The following EXOC5 variants were observed in gnomAD, a reference collection of about 807,000 sequenced individuals.
EXOC5 encodes the protein SEC10-like 1.
EXOC5 carries 17 observed loss-of-function variants against 90.8 expected under a neutral mutation model. The observed-to-expected ratio is 0.19, with a 90% CI of 0.13 to 0.28. The LOEUF is 0.28. Ranked by LOEUF, EXOC5 falls within the 10% of genes least tolerant of loss-of-function variation. EXOC5 has a pLI of 1.00. For missense variants in EXOC5, 569 were observed against 830.6 expected (o/e 0.69, Z 3.87); for synonymous variants, 260 against 270.0 (o/e 0.96, Z 0.36).
intron 4 of EXOC5, among the ~76,000 whole-genome samples, chr14:57,240,134 A>C (rs1363597878): frequency 6.6e-6 from 1 of 152,174 alleles, no homozygotes; most frequent in East Asian, 1.9e-4. Context: ...CACTTGTTCT[A>C]AAAGAAAATA....
chr14:57,209,356 T>C (rs1418135059), intron 17 of EXOC5, among the ~76,000 whole-genome samples: 2 of 151,118 alleles, frequency 1.3e-5, no homozygotes, highest in African/African-American at 4.9e-5. Flanking sequence ...TGAAACTCTT[T>C]GGAAAAAAAA....
At chr14:57,268,112 G>A (rs1019130822) in intron 1 of EXOC5, 1 of 157,300 alleles carries the variant, frequency 6.4e-6, no homozygotes, top group African/African-American at 2.4e-5. Flanking sequence ...AGGTTAAACT[G>A]GCAGTCCTAT....
chr14:57,214,068 A>G (rs1882903179), intron 15 of EXOC5, among the ~76,000 whole-genome samples: 1 of 152,094 alleles, frequency 6.6e-6, no homozygotes, highest in African/African-American at 2.4e-5. Flanking sequence ...ATTCCACAAC[A>G]TCTTTATACC....
intron 1 of EXOC5, 125 bp from the exon 2 acceptor site, chr14:57,247,837 C>T (rs1231806214): frequency 2.2e-6 from 1 of 458,012 alleles, no homozygotes; most frequent in Non-Finnish European, 3.9e-6. Context: ...TTAAATACAT[C>T]TATATTATTA....
At chr14:57,221,902 C>CA (rs2072505686) in intron 13 of EXOC5, among the ~76,000 whole-genome samples, 1 of 151,996 alleles carries the variant, frequency 6.6e-6, no homozygotes, top group Admixed American at 6.6e-5. Context: ...ACCAAAAGAC[C>CA]AAAAGCAAAA....
At position 57,239,614 on chromosome 14, in the gene EXOC5, G is replaced by T; in HGVS notation, c.511C>A (p.Gln171Lys). The change falls in exon 5 of 18, where the codon CAA (glutamine) becomes AAA (lysine). Residue 171 changes from glutamine to lysine, a missense_variant. Physicochemically the swap from Gln to Lys is moderately conservative, Grantham distance 53 (BLOSUM62 1). This residue lies in a region of EXOC5 where 97 missense variants were observed against 177.9 expected (regional missense o/e 0.55). Coordinates refer to ENST00000621441, the MANE Select transcript of EXOC5 (RefSeq NM_006544.4). ...DIIQKLHLIA[Q>K]ELPFDRFSEV... ...ACTTGCCTATCAAAAGGTAACTCTT[G>T]GGCAATTAGGTGCAACTTCTGAATG... 6.5e-7 allele frequency: 1 copy of T among 1,537,976 alleles called. No individual in the cohort carries two copies. The highest frequency in any genetic ancestry group is 8.8e-7 in the Non-Finnish European group (1 of 1,138,014).
rs1882709743 is a variant in EXOC5 at position 57,208,046 on chromosome 14, A to G, written c.*563T>C. The G allele has an allele frequency of 6.6e-6, 1 of 152,274 alleles. No individual in the cohort carries two copies. Among genetic ancestry groups the G allele is most frequent in the Admixed American group, 6.5e-5 (1 of 15,276 alleles). The allele number at this position is 152,274 out of a possible 1,614,324, so 9.4% of individuals were successfully genotyped here. A position where few individuals can be genotyped will look rare whatever the true frequency, so the allele number is the denominator to read the frequency against. ...GACTAGTATTAATGCTGTACCTCAG[A>G]AAAAAATCCAATCAACCAACTGCAG... On this transcript the variant is annotated 3_prime_UTR_variant, in exon 18 of 18. Coordinates refer to ENST00000621441, the MANE Select transcript of EXOC5 (RefSeq NM_006544.4).
intron 13 of EXOC5, among the ~76,000 whole-genome samples, chr14:57,221,627 T>C (rs905194119): frequency 2.0e-5 from 3 of 152,154 alleles, no homozygotes; most frequent in African/African-American, 7.2e-5. Context: ...AAAGGAGGAA[T>C]TGAGGAACTC....
At chr14:57,234,513 G>A (rs911162208) in intron 7 of EXOC5, among the ~76,000 whole-genome samples, 12 of 135,250 alleles carry the variant, frequency 8.9e-5, no homozygotes, top group African/African-American at 3.1e-4. Context: ...ATATATACGT[G>A]TGTGTGTGTG....
intron 5 of EXOC5, among the ~76,000 whole-genome samples, chr14:57,238,260 A>G (rs1472468054): frequency 6.9e-6 from 1 of 144,228 alleles, no homozygotes; most frequent in African/African-American, 2.5e-5. Context: ...ACACACTCAT[A>G]TTCACCACCA....
chr14:57,216,605 C>T (rs755708655), intron 15 of EXOC5, among the ~76,000 whole-genome samples: 11 of 152,056 alleles, frequency 7.2e-5, no homozygotes, highest in South Asian at 2.1e-4. Flanking sequence ...AATGAAATGA[C>T]ACCCTTATCT....
intron 13 of EXOC5, among the ~76,000 whole-genome samples, chr14:57,221,365 T>G (rs775582555): frequency 4.6e-4 from 70 of 152,162 alleles, no homozygotes; most frequent in Non-Finnish European, 6.9e-4. Context: ...GCTGTTGTTT[T>G]CCCCTTAAGA....
At chr14:57,243,928 G>A (rs554341328) in intron 4 of EXOC5, among the ~76,000 whole-genome samples, 20 of 152,156 alleles carry the variant, frequency 1.3e-4, no homozygotes, top group African/African-American at 4.3e-4. Context: ...GCATTTTTAA[G>A]CCACAAAAAA....
chr14:57,218,485 G>C (rs1883035247), intron 14 of EXOC5, among the ~76,000 whole-genome samples: 1 of 152,018 alleles, frequency 6.6e-6, no homozygotes, highest in African/African-American at 2.4e-5. Flanking sequence ...ATAAAATTTG[G>C]AGGGTAACAG....
rs12891598 is a variant in EXOC5, at chr14:57,251,753, A to C, written c.28-4041T>G. On this transcript the variant is annotated intron_variant, in intron 1 of 17. Transcript: ENST00000621441. ...AGAATAAAGAAACAATAGGAAAAAA[A>C]TTAATGAAACCAGAAGTTGGTTTTC... 6.3e-3 allele frequency among the ~76,000 whole-genome samples: 962 copies of C among 152,154 alleles called. 9 individuals are homozygous for C. Among genetic ancestry groups the C allele is most frequent in the Non-Finnish European group, 9.7e-3 (657 of 67,988 alleles).
At chr14:57,213,214 C>A (rs190087735) in intron 15 of EXOC5, among the ~76,000 whole-genome samples, 1 of 151,658 alleles carries the variant, frequency 6.6e-6, no homozygotes, top group African/African-American at 2.4e-5. Flanking sequence ...GAGACCCTAT[C>A]TCTACATATA....
At position 57,219,449 on chromosome 14, in the gene EXOC5, C is replaced by A; in HGVS notation, c.1406-7G>T. The A allele has an allele frequency of 6.4e-7, 1 of 1,568,262 alleles. No homozygotes were observed. The highest frequency in any genetic ancestry group is 1.2e-5 in the South Asian group (1 of 82,758). On this transcript the variant is annotated splice_polypyrimidine_tract_variant and splice_region_variant and intron_variant, in intron 13 of 17. Transcript: ENST00000621441. ...GAATCTGAAGAGGGAATTCCTAAAACCAGAAAGCATACATATGTTAGAATC... is the reference window on the plus strand; with the variant it reads ...GAATCTGAAGAGGGAATTCCTAAAAACAGAAAGCATACATATGTTAGAATC...
intron 3 of EXOC5, 40 bp from the exon 4 acceptor site, chr14:57,244,399 G>T: frequency 7.0e-7 from 1 of 1,426,496 alleles, no homozygotes; most frequent in Non-Finnish European, 9.9e-7. Context: ...CAATCAGTGT[G>T]CTCAGTTTAT....
chr14:57,263,947 T>C (rs541981594), intron 1 of EXOC5, among the ~76,000 whole-genome samples: 1 of 152,106 alleles, frequency 6.6e-6, no homozygotes, highest in East Asian at 1.9e-4. Flanking sequence ...TCTCTACTCA[T>C]CCATCAACAT....
Sources: allele counts gnomAD v4.1 joint callset (sites outside exome capture counted in the v4.1 genomes callset), GRCh38; gene constraint gnomAD v4.1.1; regional missense constraint gnomAD v4.1.1; transcripts MANE v1.5; gene names NCBI Gene and HGNC (gene_info 2026-07-23, HGNC 2026-07-21).